The following BBX variants were observed in gnomAD, a reference collection of about 807,000 sequenced individuals.
BBX encodes the protein BBX high mobility group box domain containing.
A neutral mutation model predicts 100.2 loss-of-function variants in BBX; 30 were observed. That is an observed-to-expected ratio of 0.30 (90% confidence interval 0.22 to 0.41). BBX has a LOEUF of 0.41. Ranked by LOEUF, BBX falls within the 10% of genes least tolerant of loss-of-function variation. BBX has a pLI of 1.00. For synonymous variants in BBX, 376 were observed against 388.1 expected (o/e 0.97, Z 0.37); for missense variants, 1,023 against 1,129.8 (o/e 0.91, Z 1.35).
At chr3:107,605,981 C>G (rs1414681954) in intron 2 of BBX, among the ~76,000 whole-genome samples, 1 of 152,108 alleles carries the variant, frequency 6.6e-6, no homozygotes, top group Non-Finnish European at 1.5e-5. Flanking sequence ...TCAAGAATAC[C>G]TATTACTTTC....
At chr3:107,583,478 A>G (rs2052434866) in intron 2 of BBX, among the ~76,000 whole-genome samples, 1 of 151,984 alleles carries the variant, frequency 6.6e-6, no homozygotes, top group African/African-American at 2.4e-5. Context: ...TTTTATTGAT[A>G]TATCATAGTT....
chr3:107,747,937 A>G lies in BBX; in HGVS notation c.751-28A>G, dbSNP rs750268454. The G allele has an allele frequency of 3.8e-6, 6 of 1,564,084 alleles. No individual in the cohort carries two copies. The East Asian group carries it at 6.7e-5, about 18-fold the overall frequency. ...ATCTGATGTGGAAAAATGTCATTGTATATTAAAAATTGCTTGTTTCCTTTC... is the reference window on the plus strand; with the variant it reads ...ATCTGATGTGGAAAAATGTCATTGTGTATTAAAAATTGCTTGTTTCCTTTC... On this transcript the variant is annotated intron_variant, in intron 8 of 17. Transcript: ENST00000325805.
chr3:107,631,514 A>G (rs1386454277), intron 2 of BBX, among the ~76,000 whole-genome samples: 1 of 151,500 alleles, frequency 6.6e-6, no homozygotes, highest in Non-Finnish European at 1.5e-5. Context: ...TGTTTGGGTT[A>G]AAAACCATTC....
intron 2 of BBX, among the ~76,000 whole-genome samples, chr3:107,555,123 A>G (rs1165332296): frequency 6.6e-6 from 1 of 152,070 alleles, no homozygotes; most frequent in Non-Finnish European, 1.5e-5. Context: ...TTTCTACTTT[A>G]TTTTCATAGT....
At chr3:107,705,161 C>G (rs1355928627) in intron 3 of BBX, among the ~76,000 whole-genome samples, 1 of 152,044 alleles carries the variant, frequency 6.6e-6, no homozygotes, top group Non-Finnish European at 1.5e-5. Context: ...TTTTCCTCTC[C>G]TCCGTAGACT....
chr3:107,738,652 G>A (rs995658586), intron 7 of BBX, among the ~76,000 whole-genome samples: 4 of 152,194 alleles, frequency 2.6e-5, no homozygotes, highest in African/African-American at 7.2e-5. Context: ...CTTGCAGCAC[G>A]CAGGGGCCTT....
At chr3:107,742,363 ATTC>A (rs939986550) in intron 7 of BBX, among the ~76,000 whole-genome samples, 1 of 136,584 alleles carries the variant, frequency 7.3e-6, no homozygotes, top group African/African-American at 2.8e-5. Flanking sequence ...CGCTGCCTCT[ATTC>A]TTTTGTGGAC....
At chr3:107,627,562 G>A (rs1016534754) in intron 2 of BBX, among the ~76,000 whole-genome samples, 1 of 152,120 alleles carries the variant, frequency 6.6e-6, no homozygotes, top group African/African-American at 2.4e-5. Flanking sequence ...TTACCACCTA[G>A]CATGTAATCA....
chr3:107,628,473 A>G (rs966529976), intron 2 of BBX, among the ~76,000 whole-genome samples: 2 of 152,134 alleles, frequency 1.3e-5, no homozygotes, highest in Non-Finnish European at 2.9e-5. Context: ...GAAGCCTCTC[A>G]GTAAAGAAAG....
chr3:107,754,529 A>G (rs1041857536), intron 9 of BBX, among the ~76,000 whole-genome samples: 10 of 152,192 alleles, frequency 6.6e-5, no homozygotes, highest in South Asian at 2.1e-4. Flanking sequence ...GGCCATTATT[A>G]AATACATGCT....
chr3:107,632,454 T>C (rs1427193380), intron 2 of BBX, among the ~76,000 whole-genome samples: 2 of 152,224 alleles, frequency 1.3e-5, no homozygotes, highest in African/African-American at 4.8e-5. Flanking sequence ...CTACTTGTAA[T>C]CTATTTGAAG....
intron 3 of BBX, among the ~76,000 whole-genome samples, chr3:107,707,559 T>C (rs1166163016): frequency 1.2e-4 from 19 of 152,214 alleles, no homozygotes; most frequent in Non-Finnish European, 2.9e-5. Context: ...TAAATAATTA[T>C]AATTGAAGGG....
chr3:107,798,388 C>T lies in BBX; in HGVS notation c.2354-135C>T, dbSNP rs933696309. 4 of 771,652 alleles carry T rather than the reference C, an allele frequency of 5.2e-6. No individual in the cohort carries two copies. In the African/African-American group the frequency reaches 5.3e-5, roughly 10 times the overall value. 47.8% of individuals were successfully genotyped at this position (771,652 alleles called of 1,614,324 possible). A position where few individuals can be genotyped will look rare whatever the true frequency, so the allele number is the denominator to read the frequency against. ...GGGGCAACGTTTTATTTCATTTTTTCCATCAGTACTTTGAAAACTCTGAGT... is the reference window on the plus strand; with the variant it reads ...GGGGCAACGTTTTATTTCATTTTTTTCATCAGTACTTTGAAAACTCTGAGT... On this transcript the variant is annotated intron_variant, in intron 15 of 17. Coordinates refer to ENST00000325805, the MANE Select transcript of BBX (RefSeq NM_001142568.3).
chr3:107,588,488 G>T (rs962110588), intron 2 of BBX, among the ~76,000 whole-genome samples: 1 of 151,944 alleles, frequency 6.6e-6, no homozygotes, highest in East Asian at 1.9e-4. Context: ...GGATGAGAGG[G>T]GTGTGGCACA....
Position 107,801,128 on chromosome 3 carries a change from T to C in BBX, c.2585T>C (p.Leu862Pro), listed in dbSNP as rs763925166. 6.2e-7 allele frequency: 1 copy of C among 1,614,158 alleles called. No individual in the cohort carries two copies. Among genetic ancestry groups the C allele is most frequent in the Admixed American group, 1.7e-5 (1 of 60,024 alleles). ...DKPKEQLQRS[L>P]PKATETDCND... is the part of the protein sequence containing the mutation. Reference sequence around the variant, plus strand: ...CCAAAGGAACAACTGCAGAGGAGTCTCCCTAAAGCAACTGAGACAGACTGC... The same window carrying C: ...CCAAAGGAACAACTGCAGAGGAGTCCCCCTAAAGCAACTGAGACAGACTGC... The change falls in exon 17 of 18, where the codon CTC becomes CCC. Residue 862 changes from leucine (L) to proline (P), a missense_variant. Leu to Pro is a moderately conservative substitution (Grantham distance 98). This residue lies in a region of BBX where 104 missense variants were observed against 132.2 expected (regional missense o/e 0.79). Transcript: ENST00000325805.
chr3:107,586,953 G>A (rs531850824), intron 2 of BBX, among the ~76,000 whole-genome samples: 1 of 152,012 alleles, frequency 6.6e-6, no homozygotes, highest in Non-Finnish European at 1.5e-5. Flanking sequence ...GTTTCACTGT[G>A]CTGGCCAGCC....
rs555284364 is a variant in BBX at position 107,644,055 on chromosome 3, G to A, written c.-83-1781G>A. On this transcript the variant is annotated intron_variant, in intron 2 of 17. Transcript: ENST00000325805. The stretch of plus-strand genomic sequence containing the variant: ...CCCTCTGCTACTTTATCTATAGATA[G>A]TTGCATCATGGGTAATAAATTATTG... Among the ~76,000 whole-genome samples the A allele has an allele frequency of 2.0e-3, 301 of 152,254 alleles. 1 individual carries two copies. Among genetic ancestry groups the A allele is most frequent in the African/African-American group, 7.0e-3 (291 of 41,542 alleles).
intron 5 of BBX, among the ~76,000 whole-genome samples, chr3:107,727,420 A>G (rs2063030821): frequency 6.6e-6 from 1 of 151,922 alleles, no homozygotes; most frequent in African/African-American, 2.4e-5. Context: ...ACCTCCTAAC[A>G]CGTTCTGCTT....
chr3:107,798,614 G>A lies in BBX; in HGVS notation c.2445G>A (p.Thr815=), dbSNP rs150447882. ...SIFNTPEPTT[T]QEPLVGSQKR... ...TCAACACTCCAGAGCCAACAACAACGCAAGAACCTTTGGTGGGCAGCCAAA... is the reference window on the plus strand; with the variant it reads ...TCAACACTCCAGAGCCAACAACAACACAAGAACCTTTGGTGGGCAGCCAAA... Residue 815 remains threonine, a synonymous_variant, in exon 16 of 18, where the codon ACG becomes ACA. Transcript: ENST00000325805. 2.4e-5 allele frequency: 38 copies of A among 1,613,992 alleles called. No homozygotes were observed. The African/African-American group carries it at 4.3e-4, about 18-fold the overall frequency.
Sources: gnomAD v4.1 joint callset for allele counts (sites outside exome capture counted in the v4.1 genomes callset) on GRCh38, gnomAD v4.1.1 for gene constraint, gnomAD v4.1.1 regional missense constraint, MANE v1.5 for transcripts, NCBI Gene and HGNC (gene_info 2026-07-23, HGNC 2026-07-21) for gene names.